The following RGS7 variants were observed in gnomAD, a reference collection of about 807,000 sequenced individuals.
RGS7 encodes regulator of G protein signaling 7.
A neutral mutation model predicts 81.1 loss-of-function variants in RGS7; 27 were observed. The ratio of observed to expected loss-of-function variants is 0.33; its 90% CI spans 0.25 to 0.46. The LOEUF (loss-of-function observed/expected upper bound fraction) is 0.46. RGS7 is among the 20% of genes least tolerant of loss of function. RGS7 has a pLI of 1.00. For synonymous variants in RGS7, 208 were observed against 207.7 expected, an observed-to-expected ratio of 1.00 and a Z score of -0.01; for missense variants, 396 against 607.4, an observed-to-expected ratio of 0.65 and a Z score of 3.66.
At chr1:241,053,754 T>C (rs1202508259) in intron 3 of RGS7, among the ~76,000 whole-genome samples, 2 of 152,186 alleles carry the variant, frequency 1.3e-5, no homozygotes, top group South Asian at 2.1e-4. Context: ...GGGAGATAAC[T>C]GAATCAAGGG....
intron 2 of RGS7, among the ~76,000 whole-genome samples, chr1:241,349,399 T>C (rs2148732130): frequency 6.6e-6 from 1 of 152,342 alleles, no homozygotes; most frequent in Non-Finnish European, 1.5e-5. Flanking sequence ...ATTTCCTATA[T>C]ATTTTTCCAG....
intron 2 of RGS7, among the ~76,000 whole-genome samples, chr1:241,323,963 G>C (rs924416018): frequency 6.6e-6 from 1 of 152,080 alleles, no homozygotes; most frequent in African/African-American, 2.4e-5. Context: ...TTACCTCTGT[G>C]GCCCTAAGCA....
chr1:240,798,334 A>T (rs1217149918), intron 18 of RGS7, among the ~76,000 whole-genome samples: 2 of 152,144 alleles, frequency 1.3e-5, no homozygotes. Flanking sequence ...CTAGCAAAAT[A>T]TTTTTGTCTC....
intron 2 of RGS7, among the ~76,000 whole-genome samples, chr1:241,212,767 T>C (rs538867601): frequency 6.6e-6 from 1 of 152,318 alleles, no homozygotes; most frequent in South Asian, 2.1e-4. Context: ...AATGAATGAA[T>C]GGCCTGCCCT....
At chr1:241,259,974 T>C (rs2148275221) in intron 2 of RGS7, among the ~76,000 whole-genome samples, 1 of 152,244 alleles carries the variant, frequency 6.6e-6, no homozygotes, top group East Asian at 1.9e-4. Flanking sequence ...CATAATTAAT[T>C]TGTTGAATCG....
At chr1:240,840,240 C>G (rs1572358723) in intron 9 of RGS7, among the ~76,000 whole-genome samples, 1 of 152,108 alleles carries the variant, frequency 6.6e-6, no homozygotes, top group Non-Finnish European at 1.5e-5. Context: ...AAAAGGCAAA[C>G]ACCTTGCCAT....
intron 4 of RGS7, among the ~76,000 whole-genome samples, chr1:240,951,950 CTA>C (rs1167509070): frequency 6.6e-6 from 1 of 151,960 alleles, no homozygotes; most frequent in Non-Finnish European, 1.5e-5. Context: ...TCATCAGAAA[CTA>C]TGTGGGCAAA....
At chr1:241,193,938 A>G (rs1004001497) in intron 2 of RGS7, among the ~76,000 whole-genome samples, 4 of 152,196 alleles carry the variant, frequency 2.6e-5, no homozygotes, top group Non-Finnish European at 5.9e-5. Context: ...CATGGGAATA[A>G]ATCATGCTAG....
chr1:240,824,657 C>T (rs1692473934), intron 10 of RGS7, among the ~76,000 whole-genome samples: 1 of 152,224 alleles, frequency 6.6e-6, no homozygotes, highest in Non-Finnish European at 1.5e-5. Context: ...AAGCACGAAT[C>T]ACGTACACTC....
chr1:241,307,690 T>C (rs1009053553), intron 2 of RGS7, among the ~76,000 whole-genome samples: 4 of 152,222 alleles, frequency 2.6e-5, no homozygotes, highest in Non-Finnish European at 5.9e-5. Flanking sequence ...CACCATTAAA[T>C]AGAAATTTGA....
Position 241,030,493 on chromosome 1 carries a change from T to TACACACACACACACACAC in RGS7, c.176-47382_176-47365dup, listed in dbSNP as rs10649050. ...TATATGCATGGTATGTATATAGATG[T>TACACACACACACACACAC]ACACACACACACACACACACACACA... On this transcript the variant is annotated intron_variant, in intron 3 of 18. Transcript: ENST00000440928. Among the ~76,000 whole-genome samples, 410 of 140,512 alleles carry TACACACACACACACACAC rather than the reference T, an allele frequency of 2.9e-3. 8 individuals are homozygous for TACACACACACACACACAC. Among genetic ancestry groups the TACACACACACACACACAC allele is most frequent in the Middle Eastern group, 0.011 (3 of 268 alleles). 92.2% of individuals were successfully genotyped at this position (140,512 alleles called of 152,430 possible).
At chr1:240,931,492 T>C (rs774602418) in intron 5 of RGS7, among the ~76,000 whole-genome samples, 2 of 152,188 alleles carry the variant, frequency 1.3e-5, no homozygotes, top group Non-Finnish European at 2.9e-5. Context: ...CCATTCTCCA[T>C]GATGTGATGA....
chr1:240,997,682 G>C (rs527840755), intron 3 of RGS7, among the ~76,000 whole-genome samples: 1 of 152,114 alleles, frequency 6.6e-6, no homozygotes, highest in Non-Finnish European at 1.5e-5. Context: ...AAAATTAGTC[G>C]AGAAGGGGGC....
intron 2 of RGS7, among the ~76,000 whole-genome samples, chr1:241,240,860 C>T (rs2148136435): frequency 6.6e-6 from 1 of 152,266 alleles, no homozygotes; most frequent in East Asian, 1.9e-4. Flanking sequence ...TCCCTGAGCC[C>T]TTTCTGCTCA....
chr1:241,091,595 A>AAATG (rs1266595108), intron 3 of RGS7, among the ~76,000 whole-genome samples: 2 of 148,712 alleles, frequency 1.3e-5, no homozygotes, highest in East Asian at 3.9e-4. Flanking sequence ...ATAAATAAAT[A>AAATG]AAAAAGCTGG....
At chr1:241,199,276 G>A (rs1162065898) in intron 2 of RGS7, among the ~76,000 whole-genome samples, 2 of 152,080 alleles carry the variant, frequency 1.3e-5, no homozygotes, top group Non-Finnish European at 2.9e-5. Flanking sequence ...CCAACATGGT[G>A]AAACCTCATC....
At chr1:240,905,281 T>G (rs1670643669) in intron 6 of RGS7, among the ~76,000 whole-genome samples, 1 of 152,254 alleles carries the variant, frequency 6.6e-6, no homozygotes, top group South Asian at 2.1e-4. Context: ...CCCGTCTGCC[T>G]TGTTAACATG....
At chr1:241,296,811 ACTGGAATGATGAAAT>A (rs1460976118) in intron 2 of RGS7, among the ~76,000 whole-genome samples, 1 of 152,262 alleles carries the variant, frequency 6.6e-6, no homozygotes, top group Non-Finnish European at 1.5e-5. Flanking sequence ...TTCTATAATT[ACTGGAATGATGAAAT>A]CTGTCATGCA....
Position 241,099,237 on chromosome 1 carries a change from A to C in RGS7, c.79-475T>G, listed in dbSNP as rs888705946. On this transcript the variant is annotated intron_variant, in intron 2 of 18. Coordinates refer to ENST00000440928, the MANE Select transcript of RGS7 (RefSeq NM_001364886.1). ...CAATAAAGTTCTAAAACCTGCCTAG[A>C]AATCCAGGACTGATTGCCAACTACT... 2.0e-5 allele frequency among the ~76,000 whole-genome samples: 3 copies of C among 152,310 alleles called. No homozygotes were observed. In the East Asian group the frequency reaches 5.8e-4, roughly 29 times the overall value.
Sources: gnomAD v4.1 joint callset for allele counts (sites outside exome capture counted in the v4.1 genomes callset) on GRCh38, gnomAD v4.1.1 for gene constraint, MANE v1.5 for transcripts, NCBI Gene and HGNC (gene_info 2026-07-23, HGNC 2026-07-21) for gene names.